Variants in STX8 observed in about 807,000 individuals in gnomAD.
STX8 encodes syntaxin-8.
STX8 carries 23 observed loss-of-function variants against 37.5 expected under a neutral mutation model. The observed-to-expected ratio is 0.61, with a 90% confidence interval of 0.44 to 0.87. The LOEUF (loss-of-function observed/expected upper bound fraction) is 0.87. STX8 is among the 40% of genes least tolerant of loss of function. The pLI is 0.00. For synonymous variants in STX8, 115 were observed against 99.1 expected (o/e 1.16, Z -0.95); for missense variants, 313 against 284.7 (o/e 1.10, Z -0.71).
intron 6 of STX8, among the ~76,000 whole-genome samples, chr17:9,481,552 CAT>C (rs761519946): frequency 1.6e-4 from 24 of 152,300 alleles, no homozygotes; most frequent in Non-Finnish European, 2.5e-4. Flanking sequence ...CCTGGTCTAA[CAT>C]GTGCTCTTAT....
At chr17:9,451,837 G>A (rs12452147) in intron 6 of STX8, among the ~76,000 whole-genome samples, 21,443 of 151,832 alleles carry the variant, frequency 0.14, 1,966 homozygotes, top group Non-Finnish European at 0.2. Flanking sequence ...CTTAGAAAAC[G>A]GAACAAAAGT....
At chr17:9,342,074 C>T (rs903323588) in intron 7 of STX8, among the ~76,000 whole-genome samples, 9 of 152,022 alleles carry the variant, frequency 5.9e-5, no homozygotes, top group South Asian at 2.1e-4. Flanking sequence ...AGATGGTTTT[C>T]GGGATGAAAC....
At chr17:9,554,551 A>G (rs1277232292) in intron 3 of STX8, 2 of 152,180 alleles carry the variant, frequency 1.3e-5, no homozygotes, top group African/African-American at 4.8e-5. Flanking sequence ...GGAGGAACAG[A>G]AGGAGAATTA....
chr17:9,296,062 T>G (rs571767606), intron 7 of STX8, among the ~76,000 whole-genome samples: 2 of 152,054 alleles, frequency 1.3e-5, no homozygotes, highest in African/African-American at 4.8e-5. Flanking sequence ...CGGTGGCGGG[T>G]GCCTGTAGTC....
intron 7 of STX8, among the ~76,000 whole-genome samples, chr17:9,365,264 T>C (rs1222062216): frequency 1.3e-5 from 2 of 152,266 alleles, no homozygotes; most frequent in Non-Finnish European, 2.9e-5. Context: ...ACAGATGATG[T>C]AGGAATTCTC....
At chr17:9,397,547 T>C (rs1449528612) in intron 6 of STX8, among the ~76,000 whole-genome samples, 2 of 152,164 alleles carry the variant, frequency 1.3e-5, no homozygotes, top group African/African-American at 4.8e-5. Context: ...CAAACCCACA[T>C]TGTATGTCAG....
intron 7 of STX8, among the ~76,000 whole-genome samples, chr17:9,364,365 T>C (rs1233938767): frequency 1.3e-5 from 2 of 152,146 alleles, no homozygotes; most frequent in African/African-American, 2.4e-5. Flanking sequence ...GGAGAAGTCA[T>C]TTATTGAAAA....
intron 7 of STX8, among the ~76,000 whole-genome samples, chr17:9,342,103 C>A (rs1386613008): frequency 6.6e-6 from 1 of 152,082 alleles, no homozygotes; most frequent in African/African-American, 2.4e-5. Context: ...CTCAGATCAT[C>A]GGGCATTAGA....
chr17:9,297,251 A>C (rs1271866455), intron 7 of STX8, among the ~76,000 whole-genome samples: 1 of 151,638 alleles, frequency 6.6e-6, no homozygotes, highest in African/African-American at 2.4e-5. Flanking sequence ...CAAAAAAAAA[A>C]AAAAAAGAAA....
chr17:9,521,211 G>A (rs1249387904), intron 4 of STX8, among the ~76,000 whole-genome samples: 2 of 152,196 alleles, frequency 1.3e-5, no homozygotes, highest in African/African-American at 4.8e-5. Flanking sequence ...CAGAGAGGCA[G>A]GCCAAAAGGC....
intron 6 of STX8, among the ~76,000 whole-genome samples, chr17:9,416,541 G>A (rs572711868): frequency 6.6e-6 from 1 of 150,782 alleles, no homozygotes; most frequent in African/African-American, 2.4e-5. Context: ...GCTAATTTTT[G>A]TATTTTTAGT....
intron 6 of STX8, among the ~76,000 whole-genome samples, chr17:9,386,182 CAAA>C (rs1415968847): frequency 4.4e-4 from 66 of 150,246 alleles, no homozygotes; most frequent in African/African-American, 1.6e-3. Flanking sequence ...AGAAACAACC[CAAA>C]TATCCATCAT....
chr17:9,528,026 C>T (rs561498998), intron 4 of STX8, among the ~76,000 whole-genome samples: 94 of 152,142 alleles, frequency 6.2e-4, no homozygotes, highest in African/African-American at 2.2e-3. Flanking sequence ...ATACAACTGA[C>T]GAATTTGTCA....
intron 6 of STX8, among the ~76,000 whole-genome samples, chr17:9,391,188 C>T (rs552919634): frequency 4.6e-5 from 7 of 152,004 alleles, no homozygotes; most frequent in Non-Finnish European, 1.0e-4. Flanking sequence ...CTCGGTGGTT[C>T]ACAACTTGTA....
intron 7 of STX8, among the ~76,000 whole-genome samples, chr17:9,267,428 C>T (rs557068140): frequency 7.9e-5 from 12 of 152,174 alleles, no homozygotes; most frequent in Admixed American, 2.6e-4. Flanking sequence ...AGCGCTATGA[C>T]CCTTCCCCAT....
At chr17:9,520,806 CAAG>C (rs980172073) in intron 4 of STX8, among the ~76,000 whole-genome samples, 3 of 152,120 alleles carry the variant, frequency 2.0e-5, no homozygotes, top group African/African-American at 4.8e-5. Context: ...CAGTGAATTC[CAAG>C]AAGTAGCTTT....
At chr17:9,525,567 C>T (rs552140572) in intron 4 of STX8, among the ~76,000 whole-genome samples, 1 of 151,964 alleles carries the variant, frequency 6.6e-6, no homozygotes, top group Non-Finnish European at 1.5e-5. Context: ...AGGATGGTCT[C>T]GATCTCCTGA....
chr17:9,428,018 C>T (rs965900496), intron 6 of STX8, among the ~76,000 whole-genome samples: 2 of 152,102 alleles, frequency 1.3e-5, no homozygotes, highest in African/African-American at 4.8e-5. Context: ...GTGCTATGGA[C>T]CCAAGGGCTG....
chr17:9,267,922 C>CG (rs1250189662), intron 7 of STX8, among the ~76,000 whole-genome samples: 1 of 146,672 alleles, frequency 6.8e-6, no homozygotes, highest in Non-Finnish European at 1.5e-5. Flanking sequence ...ACCCGGGAGG[C>CG]GGAGGTTGCA....
Sources: gnomAD v4.1 joint callset for allele counts (sites outside exome capture counted in the v4.1 genomes callset) on GRCh38, gnomAD v4.1.1 for gene constraint, MANE v1.5 for transcripts, NCBI Gene and HGNC (gene_info 2026-07-23, HGNC 2026-07-21) for gene names.